The following SEMA3D variants were observed in gnomAD, a reference collection of about 807,000 sequenced individuals.
SEMA3D encodes semaphorin-3D.
A neutral mutation model predicts 100.1 loss-of-function variants in SEMA3D; 84 were observed. The observed-to-expected ratio is 0.84, with a 90% CI of 0.70 to 1.01. The LOEUF (loss-of-function observed/expected upper bound fraction) is 1.01, where lower values mean the gene tolerates loss of function less well. Among genes scored for constraint, SEMA3D ranks in the 50% least tolerant of loss-of-function variants. The pLI is 0.00. For synonymous variants in SEMA3D, 312 were observed against 320.7 expected (o/e 0.97, Z 0.29); for missense variants, 875 against 934.1 (o/e 0.94, Z 0.82).
intron 7 of SEMA3D, among the ~76,000 whole-genome samples, chr7:85,066,530 G>C (rs1464743789): frequency 1.3e-5 from 2 of 151,958 alleles, no homozygotes; most frequent in African/African-American, 4.8e-5. Flanking sequence ...CGGAGGGGCA[G>C]GAAGAAGGCT....
the SEMA3D span, among the ~76,000 whole-genome samples, chr7:85,249,466 A>G: frequency 1.3e-5 from 2 of 152,216 alleles, no homozygotes; most frequent in South Asian, 2.1e-4. Flanking sequence ...ATACTAATGT[A>G]TCAATATTGG....
At chr7:85,007,250 TC>T (rs1034537859) in intron 17 of SEMA3D, among the ~76,000 whole-genome samples, 49 of 151,878 alleles carry the variant, frequency 3.2e-4, no homozygotes, top group African/African-American at 1.2e-3. Flanking sequence ...GCTGAATAAA[TC>T]TTTTGCATCT....
At chr7:85,014,347 T>C (rs922601190) in intron 16 of SEMA3D, among the ~76,000 whole-genome samples, 3 of 151,876 alleles carry the variant, frequency 2.0e-5, no homozygotes, top group Non-Finnish European at 4.4e-5. Context: ...GCATCAGGCA[T>C]ATCGATGGGC....
At chr7:85,217,255 T>A in the SEMA3D span, among the ~76,000 whole-genome samples, 3 of 152,058 alleles carry the variant, frequency 2.0e-5, no homozygotes, top group Non-Finnish European at 4.4e-5. Context: ...CTGTTTAGCA[T>A]CGCCCTCAGT....
At chr7:85,215,595 T>A in the SEMA3D span, among the ~76,000 whole-genome samples, 4 of 152,210 alleles carry the variant, frequency 2.6e-5, no homozygotes, top group South Asian at 8.3e-4. Flanking sequence ...AGGATACTTT[T>A]ATACTCAAAA....
chr7:85,162,820 A>G (rs1790782849), intron 1 of SEMA3D, among the ~76,000 whole-genome samples: 1 of 152,154 alleles, frequency 6.6e-6, no homozygotes, highest in South Asian at 2.1e-4. Flanking sequence ...TCTGCAGAAC[A>G]GAAGGTTCCA....
At chr7:85,246,174 A>T in the SEMA3D span, among the ~76,000 whole-genome samples, 29 of 152,074 alleles carry the variant, frequency 1.9e-4, no homozygotes, top group Non-Finnish European at 4.1e-4. Context: ...TTTATGTAAG[A>T]GCCTTCTTTA....
Position 84,999,284 on chromosome 7 carries a change from T to A in SEMA3D, c.*156A>T. 1 of 644,020 alleles carries A rather than the reference T, an allele frequency of 1.6e-6. No individual in the cohort carries two copies. Among genetic ancestry groups the A allele is most frequent in the Non-Finnish European group, 2.6e-6 (1 of 386,114 alleles). The allele number at this position is 644,020 out of a possible 1,614,324, so 39.9% of individuals were successfully genotyped here. ...CTGGTTCAAATGAATTTTTTGCCCT[T>A]TCTTATATTCATCACATATTGTCTT... is the stretch of plus-strand genomic sequence containing the variant. On this transcript the variant is annotated 3_prime_UTR_variant, in exon 19 of 19. Transcript: ENST00000284136.
At chr7:85,000,604 T>C (rs903427493) in intron 18 of SEMA3D, among the ~76,000 whole-genome samples, 1 of 152,202 alleles carries the variant, frequency 6.6e-6, no homozygotes, top group African/African-American at 2.4e-5. Flanking sequence ...TATACTGTCA[T>C]TTGTGGAAAT....
intron 1 of SEMA3D, among the ~76,000 whole-genome samples, chr7:85,173,210 A>C (rs1170674713): frequency 6.6e-6 from 1 of 152,088 alleles, no homozygotes; most frequent in Non-Finnish European, 1.5e-5. Context: ...TAAATGGAGT[A>C]AAAAAATATT....
intron 3 of SEMA3D, among the ~76,000 whole-genome samples, chr7:85,116,893 A>T (rs73703785): frequency 6.6e-6 from 1 of 152,250 alleles, no homozygotes; most frequent in African/African-American, 2.4e-5. Context: ...TTTTATAAAA[A>T]GTAAAAGATT....
At chr7:85,077,473 T>C (rs1416116099) in intron 5 of SEMA3D, among the ~76,000 whole-genome samples, 3 of 151,862 alleles carry the variant, frequency 2.0e-5, no homozygotes, top group Admixed American at 2.0e-4. Flanking sequence ...TATAAGTCTG[T>C]AAATAATCAG....
intron 10 of SEMA3D, chr7:85,041,861 A>C (rs1790874944): frequency 7.6e-6 from 2 of 264,030 alleles, no homozygotes; most frequent in African/African-American, 4.4e-5. Context: ...CTCCTTTCAA[A>C]ATGAAAGACT....
chr7:85,245,479 C>T, the SEMA3D span, among the ~76,000 whole-genome samples: 23 of 152,220 alleles, frequency 1.5e-4, no homozygotes, highest in Admixed American at 3.9e-4. Context: ...CTATAATGTT[C>T]GACTTTCTCA....
chr7:85,141,168 C>A (rs983455817), intron 2 of SEMA3D: 6 of 984,170 alleles, frequency 6.1e-6, no homozygotes, highest in Non-Finnish European at 7.2e-6. Context: ...CACATTATAA[C>A]TAGTTGCAGC....
At chr7:85,079,166 A>G (rs1049284392) in intron 5 of SEMA3D, among the ~76,000 whole-genome samples, 3 of 152,178 alleles carry the variant, frequency 2.0e-5, no homozygotes, top group Non-Finnish European at 4.4e-5. Context: ...CATCCAGAAA[A>G]TAGAAAATAA....
chr7:85,111,369 C>G (rs1789088065), intron 3 of SEMA3D, among the ~76,000 whole-genome samples: 1 of 152,036 alleles, frequency 6.6e-6, no homozygotes, highest in Admixed American at 6.6e-5. Flanking sequence ...TTGATCTTCC[C>G]ACAAAACGAC....
intron 3 of SEMA3D, among the ~76,000 whole-genome samples, chr7:85,100,149 A>G (rs1476917190): frequency 3.3e-5 from 5 of 151,990 alleles, no homozygotes; most frequent in African/African-American, 1.2e-4. Flanking sequence ...ATGATATCAA[A>G]AATTTAATGC....
the SEMA3D span, among the ~76,000 whole-genome samples, chr7:85,218,213 T>C: frequency 6.6e-6 from 1 of 152,068 alleles, no homozygotes; most frequent in Non-Finnish European, 1.5e-5. Context: ...GGCAGGAAAC[T>C]ATATGGTCTA....
Sources: allele counts gnomAD v4.1 joint callset (sites outside exome capture counted in the v4.1 genomes callset), GRCh38; gene constraint gnomAD v4.1.1; transcripts MANE v1.5; gene names NCBI Gene and HGNC (gene_info 2026-07-23, HGNC 2026-07-21).